The following MCTP2 variants were observed in gnomAD, a reference collection of about 807,000 sequenced individuals.
MCTP2 encodes the protein multiple C2 and transmembrane domain containing 2, also known as multiple C2 and transmembrane domain-containing protein 2.
A neutral mutation model predicts 111.6 loss-of-function variants in MCTP2; 132 were observed. That is an observed-to-expected ratio of 1.18 (90% CI 1.03 to 1.37). The LOEUF is 1.37. Among genes scored for constraint, MCTP2 ranks in the 40% most tolerant of loss-of-function variants. The probability of loss-of-function intolerance (pLI) is 0.00; values close to 1 mark genes in which losing one functional copy is unlikely to be tolerated. For synonymous variants in MCTP2, 395 were observed against 387.7 expected (o/e 1.02, Z -0.22); for missense variants, 1,183 against 1,067.9 (o/e 1.11, Z -1.50).
chr15:94,270,527 T>C (rs2073851835), intron 1 of MCTP2, among the ~76,000 whole-genome samples: 1 of 152,088 alleles, frequency 6.6e-6, no homozygotes, highest in Non-Finnish European at 1.5e-5. Flanking sequence ...GATCTCCTGC[T>C]CCCCTTTGAG....
intron 4 of MCTP2, among the ~76,000 whole-genome samples, chr15:94,317,556 C>G (rs574495145): frequency 6.6e-6 from 1 of 152,334 alleles, no homozygotes; most frequent in East Asian, 1.9e-4. Flanking sequence ...TGTGCTGAAC[C>G]CACCAGTCAC....
chr15:94,356,823 G>A (rs1001910185), intron 9 of MCTP2, among the ~76,000 whole-genome samples: 2 of 152,012 alleles, frequency 1.3e-5, no homozygotes, highest in African/African-American at 2.4e-5. Context: ...AAACATAATG[G>A]CATTTTAACT....
At chr15:94,238,287 CG>C (rs1232989575) in intron 1 of MCTP2, among the ~76,000 whole-genome samples, 2 of 152,024 alleles carry the variant, frequency 1.3e-5, no homozygotes, top group African/African-American at 4.8e-5. Context: ...TGAGGTAAAA[CG>C]TTTATCATAT....
chr15:94,424,469 C>T (rs1213505934), intron 17 of MCTP2, among the ~76,000 whole-genome samples: 1 of 152,110 alleles, frequency 6.6e-6, no homozygotes, highest in African/African-American at 2.4e-5. Flanking sequence ...TCTTGGGCCC[C>T]CCTCCAAATC....
At chr15:94,476,914 TAA>T in intron 22 of MCTP2, 121 bp downstream of exon 22, 1 of 633,522 alleles carries the variant, frequency 1.6e-6, no homozygotes, top group Non-Finnish European at 2.8e-6. Flanking sequence ...AGAAAATCCT[TAA>T]AGAGGCCTGG....
chr15:94,288,652 G>C (rs1373608707), intron 1 of MCTP2, among the ~76,000 whole-genome samples: 1 of 152,138 alleles, frequency 6.6e-6, no homozygotes, highest in East Asian at 1.9e-4. Context: ...AATTTATATT[G>C]GTTTATGAAG....
At chr15:94,356,041 A>G (rs1054500125) in intron 8 of MCTP2, 96 bp from the exon 9 acceptor site, 3 of 1,396,362 alleles carry the variant, frequency 2.1e-6, no homozygotes, top group Middle Eastern at 1.9e-4. Context: ...AATTTTTTTT[A>G]TAATTAAATA....
intron 1 of MCTP2, among the ~76,000 whole-genome samples, chr15:94,240,636 C>T (rs535236273): frequency 8.5e-5 from 13 of 152,120 alleles, no homozygotes; most frequent in Non-Finnish European, 1.6e-4. Flanking sequence ...TGAAGATAAA[C>T]GCAGCATGGT....
intron 2 of MCTP2, among the ~76,000 whole-genome samples, chr15:94,308,770 T>G (rs1302031197): frequency 6.6e-6 from 1 of 152,158 alleles, no homozygotes; most frequent in Non-Finnish European, 1.5e-5. Context: ...TCACAACTAC[T>G]CAAGGTGAGG....
rs2074676745 is a variant in MCTP2, at chr15:94,480,585, CTT to C, written c.*1554_*1555del. 6.6e-6 allele frequency: 1 copy of C among 152,230 alleles called. No individual in the cohort carries two copies. The highest frequency in any genetic ancestry group is 2.4e-5 in the African/African-American group (1 of 41,466). 9.4% of individuals were successfully genotyped at this position (152,230 alleles called of 1,614,324 possible). ...ACATACAATAGATACCCAAGAACCT[CTT>C]TTGTTAAACCAGTTACTCAATCTTC... On this transcript the variant is annotated 3_prime_UTR_variant, in exon 23 of 23. Coordinates refer to ENST00000357742, the MANE Select transcript of MCTP2 (RefSeq NM_001385001.1).
intron 17 of MCTP2, among the ~76,000 whole-genome samples, chr15:94,434,912 A>G (rs867096470): frequency 1.4e-5 from 2 of 145,410 alleles, no homozygotes; most frequent in Admixed American, 7.0e-5. Context: ...CACCCAGGCT[A>G]GAGTGAAGTG....
chr15:94,283,208 G>C (rs542341013), intron 1 of MCTP2, among the ~76,000 whole-genome samples: 16 of 152,286 alleles, frequency 1.1e-4, no homozygotes, highest in African/African-American at 3.9e-4. Context: ...GCTGTAAGTT[G>C]TGTGGCCAGG....
Position 94,298,628 on chromosome 15 carries a change from G to A in MCTP2, c.363G>A (p.Glu121=). Residue 121 remains glutamate (E), a synonymous_variant, in exon 2 of 23, where the codon GAG becomes GAA. Transcript: ENST00000357742. ...SHLHVVETDS[E]EAYASPAERR... ...TCCATGTGGTGGAAACAGACTCAGA[G>A]GAGGCCTATGCCTCTCCTGCTGAGC... The A allele has an allele frequency of 6.2e-7, 1 of 1,614,128 alleles. No homozygotes were observed. The highest frequency in any genetic ancestry group is 8.5e-7 in the Non-Finnish European group (1 of 1,180,010).
At chr15:94,272,879 G>A (rs569782507) in intron 1 of MCTP2, among the ~76,000 whole-genome samples, 42 of 152,202 alleles carry the variant, frequency 2.8e-4, no homozygotes, top group Admixed American at 1.3e-3. Flanking sequence ...CCATTACCAT[G>A]CCTCCAATTG....
rs7171751 is a variant in MCTP2 at position 94,400,015 on chromosome 15, G to A, written c.1965+20G>A. 1,362 of 1,611,650 alleles carry A rather than the reference G, an allele frequency of 8.5e-4. 10 individuals are homozygous for A. The African/African-American group carries it at 0.015, about 17-fold the overall frequency. ...AAAAAGGTGGGTCGCTACAGTAGGT[G>A]GCTTGTTGATTGGTACACTCAGCAC... is the stretch of plus-strand genomic sequence containing the variant. On this transcript the variant is annotated intron_variant, in intron 16 of 22. Transcript: ENST00000357742.
At position 94,479,106 on chromosome 15, in the gene MCTP2, C is replaced by A. The variant is rs578155724; in HGVS notation, c.*72C>A. 8,509 of 1,444,348 alleles carry A rather than the reference C, an allele frequency of 5.9e-3. 351 individuals carry two copies. The African/African-American group carries it at 0.098, about 17-fold the overall frequency. The allele number at this position is 1,444,348 out of a possible 1,614,324, so 89.5% of individuals were successfully genotyped here. A position where few individuals can be genotyped will look rare whatever the true frequency, so the allele number is the denominator to read the frequency against. ...GAGTAGACCAATGTTATGGCTGTTT[C>A]AGTGGTACCCAAGGTGTCCTTCTGA... On this transcript the variant is annotated 3_prime_UTR_variant, in exon 23 of 23. Coordinates refer to ENST00000357742, the MANE Select transcript of MCTP2 (RefSeq NM_001385001.1).
At chr15:94,263,466 C>T (rs978725595) in intron 1 of MCTP2, among the ~76,000 whole-genome samples, 3 of 152,148 alleles carry the variant, frequency 2.0e-5, no homozygotes, top group African/African-American at 2.4e-5. Context: ...TCATTTAACA[C>T]GTATTGTTGA....
At chr15:94,433,437 G>T (rs1486291800) in intron 17 of MCTP2, among the ~76,000 whole-genome samples, 1 of 152,138 alleles carries the variant, frequency 6.6e-6, no homozygotes, top group African/African-American at 2.4e-5. Flanking sequence ...GAGAAACCAA[G>T]CTTCAAGCAA....
At position 94,268,315 on chromosome 15, in the gene MCTP2, G is replaced by A. The variant is rs1376635476; in HGVS notation, c.-65-29886G>A. Reference sequence around the variant, plus strand: ...CCTGCCTCAGCCTCCTGAGTAGTTGGGATTACAGGCGCCTACCACCATACC... The same window carrying A: ...CCTGCCTCAGCCTCCTGAGTAGTTGAGATTACAGGCGCCTACCACCATACC... On this transcript the variant is annotated intron_variant, in intron 1 of 22. Transcript: ENST00000357742. Among the ~76,000 whole-genome samples the A allele has an allele frequency of 4.6e-5, 7 of 150,630 alleles. No homozygotes were observed. The East Asian group carries it at 1.4e-3, about 29-fold the overall frequency.
Sources: gnomAD v4.1 joint callset for allele counts (sites outside exome capture counted in the v4.1 genomes callset) on GRCh38, gnomAD v4.1.1 for gene constraint, MANE v1.5 for transcripts, NCBI Gene and HGNC (gene_info 2026-07-23, HGNC 2026-07-21) for gene names.